Variants in SLC16A10 observed in about 807,000 individuals in gnomAD.
SLC16A10 encodes the protein solute carrier family 16 member 10.
In SLC16A10, 27 loss-of-function variants were observed where a neutral mutation model predicts 40.0. The observed-to-expected ratio is 0.67, with a 90% confidence interval of 0.50 to 0.93. The LOEUF is 0.93. SLC16A10 is among the 40% of genes least tolerant of loss of function. The pLI is 0.00. For synonymous variants in SLC16A10, 213 were observed against 249.8 expected (o/e 0.85, Z 1.39); for missense variants, 529 against 658.2 (o/e 0.80, Z 2.15).
chr6:111,127,351 C>T (rs1368069274), intron 1 of SLC16A10, among the ~76,000 whole-genome samples: 1 of 152,182 alleles, frequency 6.6e-6, no homozygotes, highest in African/African-American at 2.4e-5. Flanking sequence ...GGGGGAATCA[C>T]TTCCCAGGAG....
At chr6:111,092,317 T>TG (rs1386943556) in intron 1 of SLC16A10, among the ~76,000 whole-genome samples, 26 of 126,146 alleles carry the variant, frequency 2.1e-4, no homozygotes, top group African/African-American at 3.7e-4. Flanking sequence ...TTTTTGTTGT[T>TG]TTTTTTTTTT....
rs1384288608 is a variant in SLC16A10, at chr6:111,087,514, C to G, written c.-239C>G. 5.5e-6 allele frequency: 1 copy of G among 182,668 alleles called. No individual in the cohort carries two copies. The highest frequency in any genetic ancestry group is 1.1e-5 in the Non-Finnish European group (1 of 88,810). 11.3% of individuals were successfully genotyped at this position (182,668 alleles called of 1,614,324 possible). On this transcript the variant is annotated 5_prime_UTR_variant, in exon 1 of 6. Coordinates refer to ENST00000368851, the MANE Select transcript of SLC16A10 (RefSeq NM_018593.5). ...CTGGCAGTGGGCTCAGTCGGGGGTG[C>G]GGGGCTGTGACCTAGAGGCTTCAGT... is the stretch of plus-strand genomic sequence containing the variant.
chr6:111,136,433 C>T (rs1022655183), intron 1 of SLC16A10, among the ~76,000 whole-genome samples: 19 of 152,144 alleles, frequency 1.2e-4, no homozygotes, highest in African/African-American at 4.6e-4. Context: ...AGGAAGAGAT[C>T]TTACTGTGTG....
chr6:111,184,692 G>T (rs746779842), intron 3 of SLC16A10, among the ~76,000 whole-genome samples: 2 of 152,058 alleles, frequency 1.3e-5, no homozygotes, highest in Non-Finnish European at 2.9e-5. Flanking sequence ...TGTTGGCCAG[G>T]TTGGTCTCAA....
intron 4 of SLC16A10, among the ~76,000 whole-genome samples, chr6:111,217,598 G>C (rs938812993): frequency 4.6e-5 from 7 of 151,794 alleles, no homozygotes; most frequent in Non-Finnish European, 8.8e-5. Flanking sequence ...TACAGGCGCC[G>C]GCCACCACGC....
At chr6:111,215,313 GCCAAGTACTGTACTAGGCTT>G (rs1295586385) in intron 4 of SLC16A10, among the ~76,000 whole-genome samples, 1 of 150,608 alleles carries the variant, frequency 6.6e-6, no homozygotes, top group Admixed American at 6.6e-5. Context: ...AGTTAACAAA[GCCAAGTACTGTACTAGGCTT>G]CCAACACTAA....
rs1332116408 is a variant in SLC16A10, at chr6:111,227,631, A to C, written c.*5396A>C. On this transcript the variant is annotated 3_prime_UTR_variant, in exon 6 of 6. Coordinates refer to ENST00000368851, the MANE Select transcript of SLC16A10 (RefSeq NM_018593.5). The stretch of plus-strand genomic sequence containing the variant: ...CACACGTTCAAGGACACCTCTTTTA[A>C]AGTTCAGTGTTCCATACTAAAGGGG... 1 of 152,148 alleles carries C rather than the reference A, an allele frequency of 6.6e-6. No homozygotes were observed. The highest frequency in any genetic ancestry group is 1.5e-5 in the Non-Finnish European group (1 of 68,034). The allele number at this position is 152,148 out of a possible 1,614,324, so 9.4% of individuals were successfully genotyped here. A position where few individuals can be genotyped will look rare whatever the true frequency, so the allele number is the denominator to read the frequency against.
chr6:111,119,384 T>C (rs1352920228), intron 1 of SLC16A10, among the ~76,000 whole-genome samples: 1 of 152,240 alleles, frequency 6.6e-6, no homozygotes, highest in East Asian at 1.9e-4. Context: ...CAAATGAGTG[T>C]GACTGTATTT....
chr6:111,151,152 G>T (rs1772166058), intron 1 of SLC16A10, among the ~76,000 whole-genome samples: 1 of 152,146 alleles, frequency 6.6e-6, no homozygotes, highest in African/African-American at 2.4e-5. Flanking sequence ...ACCCCATGAT[G>T]AGAAACTTTT....
intron 1 of SLC16A10, among the ~76,000 whole-genome samples, chr6:111,114,233 G>A (rs1771443801): frequency 6.6e-6 from 1 of 152,186 alleles, no homozygotes; most frequent in African/African-American, 2.4e-5. Context: ...ATGTGTCACA[G>A]TTAGTTGAGA....
intron 1 of SLC16A10, among the ~76,000 whole-genome samples, chr6:111,171,182 AG>A (rs1185135017): frequency 6.6e-6 from 1 of 152,140 alleles, no homozygotes; most frequent in Non-Finnish European, 1.5e-5. Flanking sequence ...CCATACTGTA[AG>A]GCTCTGCATG....
chr6:111,204,417 A>G (rs1773222202), intron 3 of SLC16A10, among the ~76,000 whole-genome samples: 1 of 152,184 alleles, frequency 6.6e-6, no homozygotes, highest in Admixed American at 6.5e-5. Context: ...AGGAGTGGAT[A>G]TGTCTAATTT....
At chr6:111,206,201 C>T (rs572520626) in intron 3 of SLC16A10, among the ~76,000 whole-genome samples, 19 of 151,894 alleles carry the variant, frequency 1.3e-4, no homozygotes, top group Non-Finnish European at 1.9e-4. Context: ...CTCAGCCTCC[C>T]GAGTAGCTGG....
At chr6:111,167,429 G>A (rs1772495169) in intron 1 of SLC16A10, among the ~76,000 whole-genome samples, 2 of 152,130 alleles carry the variant, frequency 1.3e-5, no homozygotes, top group Admixed American at 1.3e-4. Context: ...GTGGCCAAGT[G>A]GGTATGCTTT....
chr6:111,206,541 G>A (rs571006628), intron 3 of SLC16A10, 51 bp from the exon 4 acceptor site: 2 of 1,605,818 alleles, frequency 1.2e-6, no homozygotes, highest in Non-Finnish European at 1.7e-6. Context: ...CCTCAAATTT[G>A]TCAAGTTTTT....
intron 3 of SLC16A10, among the ~76,000 whole-genome samples, chr6:111,200,428 C>T (rs1251185305): frequency 6.6e-6 from 1 of 152,118 alleles, no homozygotes; most frequent in East Asian, 1.9e-4. Flanking sequence ...ATTTTATGTA[C>T]TCAAGTCTAT....
chr6:111,209,945 A>C (rs969037149), intron 4 of SLC16A10, among the ~76,000 whole-genome samples: 6 of 152,060 alleles, frequency 3.9e-5, no homozygotes, highest in Admixed American at 2.6e-4. Context: ...GCAAGCCACA[A>C]GGGGGGGTCT....
intron 1 of SLC16A10, among the ~76,000 whole-genome samples, chr6:111,156,157 A>G (rs563138935): frequency 2.0e-5 from 3 of 152,340 alleles, no homozygotes; most frequent in South Asian, 4.2e-4. Context: ...CCATAATGAT[A>G]TAAACAAGTG....
chr6:111,193,631 T>C (rs1489051370), intron 3 of SLC16A10, among the ~76,000 whole-genome samples: 1 of 152,210 alleles, frequency 6.6e-6, no homozygotes, highest in Non-Finnish European at 1.5e-5. Flanking sequence ...AAGTTTGTCC[T>C]GTGTTCCAAA....
Sources: gnomAD v4.1 joint callset for allele counts (sites outside exome capture counted in the v4.1 genomes callset) on GRCh38, gnomAD v4.1.1 for gene constraint, MANE v1.5 for transcripts, NCBI Gene and HGNC (gene_info 2026-07-23, HGNC 2026-07-21) for gene names.